Variants in EPB41L1 observed in about 807,000 individuals in gnomAD.
The protein encoded by EPB41L1 is band 4.1-like protein 1.
EPB41L1 carries 29 observed loss-of-function variants against 97.8 expected under a neutral mutation model. The observed-to-expected ratio is 0.30, with a 90% CI of 0.22 to 0.40. EPB41L1 has a LOEUF of 0.40. Ranked by LOEUF, EPB41L1 falls within the 10% of genes least tolerant of loss-of-function variation. EPB41L1 has a pLI of 1.00. For synonymous variants in EPB41L1, 383 were observed against 459.2 expected (o/e 0.83, Z 2.12); for missense variants, 812 against 1,162.3 (o/e 0.70, Z 4.38).
intron 11 of EPB41L1, among the ~76,000 whole-genome samples, chr20:36,191,575 C>G: frequency 6.6e-6 from 1 of 152,132 alleles, no homozygotes; most frequent in East Asian, 1.9e-4. Flanking sequence ...CAAGTCTCTC[C>G]CCAGGATGTA....
intron 2 of EPB41L1, among the ~76,000 whole-genome samples, chr20:36,175,221 G>T (rs1215538237): frequency 6.6e-6 from 1 of 152,210 alleles, no homozygotes; most frequent in Non-Finnish European, 1.5e-5. Context: ...GCTGTGATGA[G>T]TCATGTGCTG....
chr20:36,199,502 C>T (rs1442089493), intron 14 of EPB41L1, among the ~76,000 whole-genome samples: 5 of 152,218 alleles, frequency 3.3e-5, no homozygotes, highest in Non-Finnish European at 7.3e-5. Context: ...TGCCAGATAA[C>T]AGACGGCTTT....
At chr20:36,222,431 G>A in intron 21 of EPB41L1, 37 bp downstream of exon 21, 2 of 1,531,532 alleles carry the variant, frequency 1.3e-6, no homozygotes, top group Non-Finnish European at 1.8e-6. Flanking sequence ...TGAGAGAGAG[G>A]AGGGAGCAGT....
At chr20:36,139,741 T>TTTATTTATTTATTTATTTATTTA (rs2059565018) in intron 2 of EPB41L1, among the ~76,000 whole-genome samples, 2 of 150,382 alleles carry the variant, frequency 1.3e-5, no homozygotes, top group African/African-American at 5.0e-5. Flanking sequence ...TATTTATTTA[T>TTTATTTATTTATTTATTTATTTA]TTTTTTTAAG....
At position 36,195,872 on chromosome 20, in the gene EPB41L1, G is replaced by C. The variant is rs1237370979; in HGVS notation, c.1485+508G>C. ...AGATGTGGGAGTGGGGATTGGGGGTGGGGGAGGGAGGTGCCTCAGAGCACA... is the reference window on the plus strand; with the variant it reads ...AGATGTGGGAGTGGGGATTGGGGGTCGGGGAGGGAGGTGCCTCAGAGCACA... On this transcript the variant is annotated intron_variant, in intron 13 of 21. Coordinates refer to ENST00000338074, the MANE Select transcript of EPB41L1 (RefSeq NM_012156.2). This position sits in a 1 kb window ranked among gnomAD's most constrained non-coding sequence, Gnocchi z 4.6. 6.6e-6 allele frequency among the ~76,000 whole-genome samples: 1 copy of C among 152,140 alleles called. No homozygotes were observed. The highest frequency in any genetic ancestry group is 2.4e-5 in the African/African-American group (1 of 41,440).
chr20:36,219,254 C>G (rs937448496), intron 18 of EPB41L1, among the ~76,000 whole-genome samples: 7 of 152,320 alleles, frequency 4.6e-5, no homozygotes, highest in Non-Finnish European at 1.0e-4. Flanking sequence ...CATCTGCCCT[C>G]CCTACTAACC....
At chr20:36,175,208 G>C (rs556101503) in intron 2 of EPB41L1, among the ~76,000 whole-genome samples, 1 of 152,314 alleles carries the variant, frequency 6.6e-6, no homozygotes, top group South Asian at 2.1e-4. Context: ...AGACCAGATG[G>C]ATGCTGTGAT....
chr20:36,189,774 A>G (rs1251251425), intron 9 of EPB41L1, among the ~76,000 whole-genome samples: 1 of 152,152 alleles, frequency 6.6e-6, no homozygotes. Flanking sequence ...CCCTTCCCCT[A>G]CTAGAATCTT....
At chr20:36,180,866 C>T (rs143202972) in intron 5 of EPB41L1, among the ~76,000 whole-genome samples, 7 of 152,280 alleles carry the variant, frequency 4.6e-5, no homozygotes, top group African/African-American at 1.4e-4. Flanking sequence ...TCCAAGGAGT[C>T]GGTGTGGTCA....
chr20:36,229,196 T>C (rs2064366763), intron 21 of EPB41L1, 136 bp from the exon 22 acceptor site: 2 of 728,644 alleles, frequency 2.7e-6, no homozygotes, highest in Non-Finnish European at 4.9e-6. Context: ...AAAGGGCATA[T>C]GGTAAAGGGT....
intron 14 of EPB41L1, among the ~76,000 whole-genome samples, chr20:36,203,414 C>A (rs190573366): frequency 5.3e-5 from 8 of 152,380 alleles, no homozygotes; most frequent in African/African-American, 1.4e-4. Flanking sequence ...TAGCAACTAA[C>A]AATCACTATA....
intron 21 of EPB41L1, among the ~76,000 whole-genome samples, chr20:36,226,090 C>T (rs1013295235): frequency 6.6e-6 from 1 of 152,186 alleles, no homozygotes. Flanking sequence ...AAGTAGAACC[C>T]AAGTCTGACT....
intron 2 of EPB41L1, among the ~76,000 whole-genome samples, chr20:36,126,525 C>T (rs2058976238): frequency 6.6e-6 from 1 of 152,130 alleles, no homozygotes; most frequent in Admixed American, 6.5e-5. Flanking sequence ...TGCCACCACG[C>T]CCAGCTAATT....
chr20:36,095,776 G>C (rs1380494823), intron 1 of EPB41L1, among the ~76,000 whole-genome samples: 1 of 152,292 alleles, frequency 6.6e-6, no homozygotes, highest in Middle Eastern at 3.4e-3. Context: ...GGGCGTGGTG[G>C]CTCACGCCTG....
At chr20:36,172,696 G>T (rs2061046778) in intron 1 of EPB41L1, among the ~76,000 whole-genome samples, 1 of 152,138 alleles carries the variant, frequency 6.6e-6, no homozygotes, top group Admixed American at 6.5e-5. Context: ...CGCCTCCCAG[G>T]TTCAAGCGAT....
Position 36,206,198 on chromosome 20 carries a change from C to T in EPB41L1, c.1669-3290C>T. On this transcript the variant is annotated intron_variant, in intron 14 of 21. Coordinates refer to ENST00000338074, the MANE Select transcript of EPB41L1 (RefSeq NM_012156.2). This position sits in a 1 kb window ranked among gnomAD's most constrained non-coding sequence, Gnocchi z 5.5. ...TTGGCAGAAAAGCTCCTCGAGGGCT[C>T]TGAGCTCAGGGCAGACACCAGAGAG... 1 of 1,289,880 alleles carries T rather than the reference C, an allele frequency of 7.8e-7. No homozygotes were observed. The highest frequency in any genetic ancestry group is 1.5e-5 in the African/African-American group (1 of 66,004). The allele number at this position is 1,289,880 out of a possible 1,614,324, so 79.9% of individuals were successfully genotyped here.
chr20:36,217,050 T>C (rs117501466), intron 17 of EPB41L1, among the ~76,000 whole-genome samples: 5 of 152,284 alleles, frequency 3.3e-5, no homozygotes, highest in Non-Finnish European at 7.4e-5. Context: ...AGTGTGTGTT[T>C]TTCCAAGCCC....
intron 11 of EPB41L1, 45 bp from the exon 12 acceptor site, chr20:36,194,167 G>A (rs1224921876): frequency 6.2e-6 from 10 of 1,611,804 alleles, no homozygotes; most frequent in African/African-American, 1.3e-5. Context: ...TCTGTTCTCT[G>A]GGAGGGGTCT....
intron 14 of EPB41L1, among the ~76,000 whole-genome samples, chr20:36,201,134 T>C (rs1212698271): frequency 6.6e-6 from 1 of 152,176 alleles, no homozygotes; most frequent in Non-Finnish European, 1.5e-5. Context: ...CATGCTGTGA[T>C]AAGGAAATGT....
Sources: gnomAD v4.1 joint callset for allele counts (sites outside exome capture counted in the v4.1 genomes callset) on GRCh38, gnomAD v4.1.1 for gene constraint, Gnocchi (gnomAD v3.1) non-coding constraint, MANE v1.5 for transcripts, NCBI Gene and HGNC (gene_info 2026-07-23, HGNC 2026-07-21) for gene names.